Variants in HECTD4 observed in about 807,000 individuals in gnomAD.
HECTD4 encodes the protein probable E3 ubiquitin-protein ligase HECTD4.
Under a neutral mutation model 471.5 loss-of-function variants are expected in HECTD4, and 114 were observed. That is an observed-to-expected ratio of 0.24 (90% CI 0.21 to 0.28). The LOEUF is 0.28. Ranked by LOEUF, HECTD4 falls within the 10% of genes least tolerant of loss-of-function variation. The pLI is 1.00. For synonymous variants in HECTD4, 2,012 were observed against 2,256.0 expected (o/e 0.89, Z 3.07); for missense variants, 3,866 against 5,651.5 (o/e 0.68, Z 10.13).
At chr12:112,215,085 G>A (rs571468132) in intron 48 of HECTD4, among the ~76,000 whole-genome samples, 8 of 152,104 alleles carry the variant, frequency 5.3e-5, no homozygotes, top group South Asian at 2.1e-4. Flanking sequence ...CCCAGGAGGC[G>A]GAGGTTGCAG....
intron 1 of HECTD4, among the ~76,000 whole-genome samples, chr12:112,358,943 A>G (rs972754904): frequency 1.3e-5 from 2 of 152,150 alleles, no homozygotes; most frequent in Non-Finnish European, 2.9e-5. Flanking sequence ...TGGGAGGCCG[A>G]GGCAGGTAGA....
intron 23 of HECTD4, among the ~76,000 whole-genome samples, chr12:112,251,761 TTTTG>T (rs961670996): frequency 7.9e-5 from 12 of 152,128 alleles, no homozygotes; most frequent in African/African-American, 1.4e-4. Flanking sequence ...GTACTCTGTT[TTTTG>T]TTTGTTTGTT....
chr12:112,350,745 CA>C (rs1471544344), intron 1 of HECTD4, among the ~76,000 whole-genome samples: 3 of 152,150 alleles, frequency 2.0e-5, no homozygotes, highest in Admixed American at 2.0e-4. Context: ...CAGCAAGACA[CA>C]CCCTCAATGT....
Position 112,283,099 on chromosome 12 carries a change from GAGTA to G in HECTD4, c.1528+7_1528+10del. On this transcript the variant is annotated splice_region_variant and intron_variant, in intron 8 of 75. Transcript: ENST00000682272. The stretch of plus-strand genomic sequence containing the variant: ...CAAGGAAACAGATCTGGGAAGCACA[GAGTA>G]ACATACCTGCTTGATCCTCTTTCAG... 1 of 1,607,820 alleles carries G rather than the reference GAGTA, an allele frequency of 6.2e-7. No homozygotes were observed. The highest frequency in any genetic ancestry group is 8.5e-7 in the Non-Finnish European group (1 of 1,176,038).
At chr12:112,296,788 G>GA (rs2035032741) in intron 7 of HECTD4, among the ~76,000 whole-genome samples, 1 of 141,052 alleles carries the variant, frequency 7.1e-6, no homozygotes, top group African/African-American at 2.6e-5. Flanking sequence ...GGTGCAGATG[G>GA]TGTAGGTGCA....
At chr12:112,218,314 C>A (rs2032986773) in intron 45 of HECTD4, among the ~76,000 whole-genome samples, 1 of 152,050 alleles carries the variant, frequency 6.6e-6, no homozygotes, top group African/African-American at 2.4e-5. Flanking sequence ...AGTTGTGCAA[C>A]CATTATCGTG....
intron 1 of HECTD4, among the ~76,000 whole-genome samples, chr12:112,344,385 T>C (rs919861583): frequency 2.0e-5 from 3 of 152,058 alleles, no homozygotes; most frequent in African/African-American, 7.2e-5. Context: ...TTCAGATGAG[T>C]GTTATGCATA....
intron 32 of HECTD4, among the ~76,000 whole-genome samples, chr12:112,240,454 CTT>C (rs1007880733): frequency 2.8e-5 from 4 of 142,666 alleles, no homozygotes; most frequent in Admixed American, 7.0e-5. Flanking sequence ...CTTTTCTTTT[CTT>C]TTTTTTTTTT....
intron 6 of HECTD4, among the ~76,000 whole-genome samples, chr12:112,308,340 C>A (rs557578430): frequency 6.6e-6 from 1 of 151,808 alleles, no homozygotes; most frequent in South Asian, 2.1e-4. Context: ...TTACTCTACA[C>A]TCATTTCAAA....
At chr12:112,164,403 G>A in intron 72 of HECTD4, 128 bp from the exon 73 acceptor site, 1 of 965,726 alleles carries the variant, frequency 1.0e-6, no homozygotes, top group Non-Finnish European at 1.5e-6. Flanking sequence ...ATGAGCATGT[G>A]ACACAGCTTT....
In HECTD4 at chr12:112,319,176, GGTGGCA is replaced by G; in HGVS notation, c.695+43_695+48del. The G allele has an allele frequency of 6.6e-7, 1 of 1,521,742 alleles. No homozygotes were observed. Among genetic ancestry groups the G allele is most frequent in the South Asian group, 1.2e-5 (1 of 82,882 alleles). The allele number at this position is 1,521,742 out of a possible 1,614,324, so 94.3% of individuals were successfully genotyped here. A position where few individuals can be genotyped will look rare whatever the true frequency, so the allele number is the denominator to read the frequency against. Reference sequence around the variant, plus strand: ...GCCTCTTCTTCATTCACCCAACCCAGGTGGCAGTAGTCACAAGGTCACCAAATGATA... The same window carrying G: ...GCCTCTTCTTCATTCACCCAACCCAGGTAGTCACAAGGTCACCAAATGATA... On this transcript the variant is annotated intron_variant, in intron 2 of 75. Transcript: ENST00000682272. The surrounding 1 kb of genome is among the most constrained non-coding windows in gnomAD (Gnocchi z 5.3).
chr12:112,297,080 T>G (rs2035047784), intron 7 of HECTD4, among the ~76,000 whole-genome samples: 1 of 78,608 alleles, frequency 1.3e-5, no homozygotes, highest in African/African-American at 8.6e-5. Context: ...ATGGTGTAGG[T>G]GTATGGATGT....
At chr12:112,369,970 G>A (rs2036636569) in intron 1 of HECTD4, among the ~76,000 whole-genome samples, 1 of 152,134 alleles carries the variant, frequency 6.6e-6, no homozygotes, top group Admixed American at 6.6e-5. Flanking sequence ...CTTGGAACCT[G>A]TAAATGTGAC....
chr12:112,318,545 T>C (rs1203909464), intron 2 of HECTD4, among the ~76,000 whole-genome samples: 1 of 152,146 alleles, frequency 6.6e-6, no homozygotes. Context: ...GGCTAATTTT[T>C]GTATTTTTAG....
intron 32 of HECTD4, among the ~76,000 whole-genome samples, chr12:112,241,701 C>T (rs914059701): frequency 6.6e-6 from 1 of 152,172 alleles, no homozygotes; most frequent in African/African-American, 2.4e-5. Context: ...CTCAAGTGAT[C>T]CTCCTGCTTT....
chr12:112,281,504 C>T (rs1028548565), intron 8 of HECTD4, among the ~76,000 whole-genome samples: 12 of 152,086 alleles, frequency 7.9e-5, no homozygotes, highest in African/African-American at 2.9e-4. Flanking sequence ...CCAGATCAGG[C>T]CTTCAGCTTG....
At chr12:112,190,048 C>T (rs937191226) in intron 60 of HECTD4, among the ~76,000 whole-genome samples, 39 of 152,108 alleles carry the variant, frequency 2.6e-4, no homozygotes, top group Non-Finnish European at 4.4e-5. Context: ...GCCACTGCGT[C>T]TGGCCCGAGT....
At chr12:112,221,181 T>A (rs948254012) in intron 44 of HECTD4, among the ~76,000 whole-genome samples, 1 of 151,896 alleles carries the variant, frequency 6.6e-6, no homozygotes, top group African/African-American at 2.4e-5. Flanking sequence ...AAATTACAAT[T>A]AAAAAAAAGC....
intron 7 of HECTD4, 149 bp from the exon 8 acceptor site, chr12:112,283,451 G>A: frequency 1.7e-6 from 1 of 597,830 alleles, no homozygotes. Context: ...ATGTGCTATA[G>A]AAACTACTAC....
Sources: gnomAD v4.1 joint callset for allele counts (sites outside exome capture counted in the v4.1 genomes callset) on GRCh38, gnomAD v4.1.1 for gene constraint, Gnocchi (gnomAD v3.1) non-coding constraint, MANE v1.5 for transcripts, NCBI Gene and HGNC (gene_info 2026-07-23, HGNC 2026-07-21) for gene names.